CALN1: variants seen among roughly 807,000 people sequenced by gnomAD.
CALN1 encodes the protein calcium-binding protein 8.
A neutral mutation model predicts 30.6 loss-of-function variants in CALN1; 17 were observed. The ratio of observed to expected loss-of-function variants is 0.56; its 90% CI spans 0.38 to 0.83. The LOEUF is 0.83. Among genes scored for constraint, CALN1 ranks in the 40% least tolerant of loss-of-function variants. The pLI, the probability that CALN1 is intolerant of heterozygous loss-of-function variation, is 0.00. For synonymous variants in CALN1, 156 were observed against 131.4 expected (o/e 1.19, Z -1.28); for missense variants, 291 against 354.9 (o/e 0.82, Z 1.45).
chr7:71,805,654 G>A (rs1170233541), intron 6 of CALN1, among the ~76,000 whole-genome samples: 1 of 148,770 alleles, frequency 6.7e-6, no homozygotes, highest in Non-Finnish European at 1.5e-5. Flanking sequence ...TTGATCGTGA[G>A]GTCAGCTCGT....
At chr7:72,089,769 A>C (rs1805728378) in intron 4 of CALN1, among the ~76,000 whole-genome samples, 1 of 152,214 alleles carries the variant, frequency 6.6e-6, no homozygotes, top group Non-Finnish European at 1.5e-5. Context: ...ATTGAAAATT[A>C]AAATACAAAC....
chr7:72,043,183 T>TCG (rs1181622188), intron 4 of CALN1, among the ~76,000 whole-genome samples: 1 of 152,158 alleles, frequency 6.6e-6, no homozygotes, highest in Non-Finnish European at 1.5e-5. Flanking sequence ...TAGCACAGTC[T>TCG]CGTCATTCTC....
At chr7:72,230,509 A>AG (rs1383512831) in intron 3 of CALN1, among the ~76,000 whole-genome samples, 2 of 150,354 alleles carry the variant, frequency 1.3e-5, no homozygotes, top group Non-Finnish European at 3.0e-5. Context: ...CCCTGTCTTG[A>AG]GAAAAAAAAA....
intron 2 of CALN1, among the ~76,000 whole-genome samples, chr7:72,316,302 A>G (rs996741589): frequency 6.6e-6 from 1 of 151,938 alleles, no homozygotes; most frequent in Non-Finnish European, 1.5e-5. Context: ...AGAATATGTA[A>G]TATTAGGGTG....
At chr7:71,844,039 T>C (rs1790095992) in intron 5 of CALN1, among the ~76,000 whole-genome samples, 2 of 152,260 alleles carry the variant, frequency 1.3e-5, no homozygotes, top group South Asian at 2.1e-4. Context: ...CTGGCATTTA[T>C]AGAGATGGAC....
At chr7:72,121,843 C>T (rs1808417021) in intron 3 of CALN1, among the ~76,000 whole-genome samples, 1 of 146,816 alleles carries the variant, frequency 6.8e-6, no homozygotes, top group African/African-American at 2.5e-5. Context: ...ACCTGTTTAT[C>T]ATTATAATAT....
chr7:72,062,998 T>C (rs78330764), intron 4 of CALN1, among the ~76,000 whole-genome samples: 2,954 of 152,242 alleles, frequency 0.019, 89 homozygotes, highest in African/African-American at 0.067. Context: ...AAGGTTAACA[T>C]TGTCCTGATA....
chr7:71,925,192 G>C (rs1210382587), intron 5 of CALN1, among the ~76,000 whole-genome samples: 1 of 152,180 alleles, frequency 6.6e-6, no homozygotes, highest in Non-Finnish European at 1.5e-5. Context: ...AGTGAGCTGA[G>C]ATTGTGCCAC....
chr7:71,858,709 G>A (rs1318241356), intron 5 of CALN1, among the ~76,000 whole-genome samples: 2 of 152,108 alleles, frequency 1.3e-5, no homozygotes, highest in Non-Finnish European at 2.9e-5. Flanking sequence ...GCCAATCAGA[G>A]ATTCAAAAGA....
intron 5 of CALN1, among the ~76,000 whole-genome samples, chr7:71,962,065 A>G (rs570780903): frequency 7.3e-5 from 11 of 151,694 alleles, no homozygotes; most frequent in African/African-American, 2.2e-4. Context: ...CTCATAAAAC[A>G]AGATGCAAGT....
At chr7:72,221,273 G>A (rs767999939) in intron 3 of CALN1, among the ~76,000 whole-genome samples, 10 of 151,252 alleles carry the variant, frequency 6.6e-5, no homozygotes, top group South Asian at 4.2e-4. Flanking sequence ...ACGTGGAGAC[G>A]CGATGCCCCA....
chr7:71,865,390 CTG>C (rs888604962), intron 5 of CALN1, among the ~76,000 whole-genome samples: 1 of 152,252 alleles, frequency 6.6e-6, no homozygotes, highest in Non-Finnish European at 1.5e-5. Context: ...TCCGCCATGA[CTG>C]TACGTTTCCT....
chr7:72,118,282 C>A (rs1808136562), intron 3 of CALN1, among the ~76,000 whole-genome samples: 1 of 152,154 alleles, frequency 6.6e-6, no homozygotes. Context: ...ATAATAATTT[C>A]TTTCATGGTC....
At chr7:72,040,098 C>A (rs1281246218) in intron 4 of CALN1, among the ~76,000 whole-genome samples, 1 of 152,138 alleles carries the variant, frequency 6.6e-6, no homozygotes, top group African/African-American at 2.4e-5. Flanking sequence ...ACACCCCTTC[C>A]CCACCCTGAG....
intron 2 of CALN1, among the ~76,000 whole-genome samples, chr7:72,351,735 T>C (rs1802934029): frequency 6.6e-6 from 1 of 151,912 alleles, no homozygotes; most frequent in African/African-American, 2.4e-5. Flanking sequence ...TGAAAAATAA[T>C]CAATACCAGA....
intron 5 of CALN1, among the ~76,000 whole-genome samples, chr7:71,990,575 C>G (rs1798895225): frequency 6.6e-6 from 1 of 151,986 alleles, no homozygotes; most frequent in South Asian, 2.1e-4. Flanking sequence ...GCCTCAGCCT[C>G]CTCAGTAACT....
chr7:72,304,910 G>GA (rs1286275268), intron 2 of CALN1, among the ~76,000 whole-genome samples: 1 of 152,174 alleles, frequency 6.6e-6, no homozygotes, highest in Non-Finnish European at 1.5e-5. Flanking sequence ...TTTACAGCTA[G>GA]AGAGAAATTA....
intron 5 of CALN1, among the ~76,000 whole-genome samples, chr7:71,905,260 T>C (rs1453101713): frequency 1.3e-5 from 2 of 152,132 alleles, no homozygotes; most frequent in Non-Finnish European, 1.5e-5. Context: ...TTTTTAAAAT[T>C]ATATTTCAAT....
chr7:71,956,885 T>G (rs541815410), intron 5 of CALN1, among the ~76,000 whole-genome samples: 1 of 151,262 alleles, frequency 6.6e-6, no homozygotes, highest in Non-Finnish European at 1.5e-5. Context: ...TTAGTGGAGG[T>G]GAGGTTTCAC....
Sources: allele counts gnomAD v4.1 joint callset (sites outside exome capture counted in the v4.1 genomes callset), GRCh38; gene constraint gnomAD v4.1.1; transcripts MANE v1.5; gene names NCBI Gene and HGNC (gene_info 2026-07-23, HGNC 2026-07-21).